HTR4: variants seen among roughly 807,000 people sequenced by gnomAD.
HTR4 encodes the protein 5-hydroxytryptamine receptor 4.
In HTR4, 16 loss-of-function variants were observed where a neutral mutation model predicts 36.8. That is an observed-to-expected ratio of 0.43 (90% confidence interval 0.29 to 0.66). The LOEUF (loss-of-function observed/expected upper bound fraction) is 0.66. Ranked by LOEUF, HTR4 falls within the 30% of genes least tolerant of loss-of-function variation. HTR4 has a pLI of 0.13. For missense variants in HTR4, 438 were observed against 490.9 expected (o/e 0.89, Z 1.02); for synonymous variants, 189 against 185.1 (o/e 1.02, Z -0.17).
chr5:148,543,622 T>C (rs1445954218), intron 4 of HTR4, among the ~76,000 whole-genome samples: 1 of 152,182 alleles, frequency 6.6e-6, no homozygotes, highest in Non-Finnish European at 1.5e-5. Flanking sequence ...CCTCAGGTTA[T>C]GCAGCTGTGG....
chr5:148,453,128 T>C (rs894301182), intron 5 of HTR4, among the ~76,000 whole-genome samples: 6 of 152,218 alleles, frequency 3.9e-5, no homozygotes, highest in African/African-American at 1.2e-4. Context: ...AATGCTTCTT[T>C]ACCCCTCAGA....
chr5:148,552,867 C>T (rs775315591), intron 2 of HTR4, among the ~76,000 whole-genome samples: 1 of 152,084 alleles, frequency 6.6e-6, no homozygotes, highest in African/African-American at 2.4e-5. Context: ...ATAGTAAGTG[C>T]TCAATTACTT....
chr5:148,522,388 G>T (rs185016300), intron 5 of HTR4, among the ~76,000 whole-genome samples: 2 of 152,044 alleles, frequency 1.3e-5, no homozygotes. Context: ...ATATTTGTTC[G>T]CTTATCTACA....
chr5:148,550,257 T>C lies in HTR4; in HGVS notation c.32A>G (p.Glu11Gly). The C allele has an allele frequency of 6.2e-7, 1 of 1,613,968 alleles. No individual in the cohort carries two copies. Among genetic ancestry groups the C allele is most frequent in the Non-Finnish European group, 8.5e-7 (1 of 1,179,974 alleles). MDKLDANVSS[E>G]EGFGSVEKVV... Reference sequence around the variant, plus strand: ...CTTCTCCACTGACCCGAAACCCTCCTCAGAACTGAAAGACACACACAAGCA... The same window carrying C: ...CTTCTCCACTGACCCGAAACCCTCCCCAGAACTGAAAGACACACACAAGCA... Residue 11 changes from glutamate (E) to glycine (G), a missense_variant, in exon 3 of 7, where the codon GAG (glutamate) becomes GGG (glycine). Physicochemically the swap from Glu to Gly is moderately conservative, Grantham distance 98 (BLOSUM62 -2). Coordinates refer to ENST00000377888, the MANE Select transcript of HTR4 (RefSeq NM_000870.7).
chr5:148,550,150 C>T lies in HTR4; in HGVS notation c.139G>A (p.Asp47Asn). Residue 47 changes from aspartate to asparagine, a missense_variant, in exon 3 of 7, where the codon GAC becomes AAC. Physicochemically the swap from Asp to Asn is conservative, Grantham distance 23 (BLOSUM62 1). Transcript: ENST00000377888. The part of the protein sequence containing the change: ...NLLVMVAVCW[D>N]RQLRKIKTNY... ...CCTGCTGCTCACCTGAGCTGCCTGT[C>T]CCAGCACACAGCCACCATCACCAGC... The T allele has an allele frequency of 6.2e-7, 1 of 1,614,094 alleles. No homozygotes were observed. Among genetic ancestry groups the T allele is most frequent in the Non-Finnish European group, 8.5e-7 (1 of 1,179,988 alleles).
At chr5:148,622,883 G>T (rs1752965176) in intron 2 of HTR4, among the ~76,000 whole-genome samples, 1 of 152,134 alleles carries the variant, frequency 6.6e-6, no homozygotes, top group Non-Finnish European at 1.5e-5. Flanking sequence ...TTAATAGTTG[G>T]TGAATATTTG....
At chr5:148,461,399 G>T (rs931719292) in intron 5 of HTR4, among the ~76,000 whole-genome samples, 2 of 151,880 alleles carry the variant, frequency 1.3e-5, no homozygotes, top group African/African-American at 4.8e-5. Context: ...AAGACATATA[G>T]ATTAAGAGTA....
intron 2 of HTR4, among the ~76,000 whole-genome samples, chr5:148,615,536 G>C (rs1248778481): frequency 2.7e-5 from 3 of 112,326 alleles, no homozygotes; most frequent in Non-Finnish European, 3.5e-5. Context: ...GTTGTGGGGT[G>C]GGGGGAGGGG....
intron 5 of HTR4, among the ~76,000 whole-genome samples, chr5:148,518,238 T>A (rs1192760018): frequency 6.6e-6 from 1 of 152,244 alleles, no homozygotes; most frequent in Admixed American, 6.5e-5. Context: ...TTATTTTTAA[T>A]CTCCTCTACT....
chr5:148,543,534 C>A (rs1030747738), intron 4 of HTR4, among the ~76,000 whole-genome samples: 25 of 152,112 alleles, frequency 1.6e-4, no homozygotes, highest in Non-Finnish European at 3.1e-4. Context: ...ATCATAAACT[C>A]AAAATATATT....
chr5:148,648,487 A>C (rs1234581171), intron 1 of HTR4, among the ~76,000 whole-genome samples: 1 of 152,208 alleles, frequency 6.6e-6, no homozygotes, highest in Non-Finnish European at 1.5e-5. Flanking sequence ...TGGGTTGCCC[A>C]ATGTGCAGGA....
At chr5:148,522,242 C>G (rs566316602) in intron 5 of HTR4, among the ~76,000 whole-genome samples, 174 of 152,268 alleles carry the variant, frequency 1.1e-3, no homozygotes, top group African/African-American at 4.1e-3. Flanking sequence ...ATTACCCAAT[C>G]TGGGGTTTGT....
chr5:148,634,034 T>C (rs1218417985), intron 2 of HTR4, among the ~76,000 whole-genome samples: 3 of 152,156 alleles, frequency 2.0e-5, no homozygotes, highest in African/African-American at 4.8e-5. Context: ...CTCAATTAAA[T>C]GACGCCAAAC....
At chr5:148,647,740 T>G (rs1053585324) in intron 1 of HTR4, among the ~76,000 whole-genome samples, 1 of 152,156 alleles carries the variant, frequency 6.6e-6, no homozygotes, top group African/African-American at 2.4e-5. Context: ...TCCCAGCTAC[T>G]CGGGCGGCTG....
At chr5:148,465,835 C>G (rs2113698427) in intron 5 of HTR4, 1 of 1,604,976 alleles carries the variant, frequency 6.2e-7, no homozygotes, top group Non-Finnish European at 8.5e-7. Context: ...TCACAACAGA[C>G]AGTGACAGAC....
At chr5:148,610,442 T>A (rs1752375996) in intron 2 of HTR4, among the ~76,000 whole-genome samples, 2 of 152,110 alleles carry the variant, frequency 1.3e-5, no homozygotes, top group South Asian at 4.1e-4. Flanking sequence ...TGCAGGGTAC[T>A]CCAACAGACC....
rs528083744 is a variant in HTR4 at position 148,507,907 on chromosome 5, A to G, written c.1076+1549T>C. Among the ~76,000 whole-genome samples, 150 of 152,348 alleles carry G rather than the reference A, an allele frequency of 9.8e-4. 1 individual carries two copies. Among genetic ancestry groups the G allele is most frequent in the African/African-American group, 3.5e-3 (146 of 41,588 alleles). On this transcript the variant is annotated intron_variant, in intron 6 of 6. Coordinates refer to ENST00000377888, the MANE Select transcript of HTR4 (RefSeq NM_000870.7). ...GGCACCCACACAGAAGTTCTTGTAC[A>G]CACACTTTATGGTTGAATTCTTTCT... is the stretch of plus-strand genomic sequence containing the variant.
At chr5:148,469,260 A>G (rs940935273) in intron 5 of HTR4, among the ~76,000 whole-genome samples, 1 of 152,230 alleles carries the variant, frequency 6.6e-6, no homozygotes, top group Admixed American at 6.5e-5. Flanking sequence ...ATATGAAGAT[A>G]TGATGACTCC....
In HTR4 at chr5:148,623,984, G is replaced by A. The variant is rs577411217; in HGVS notation, c.26+13005C>T. Among the ~76,000 whole-genome samples, 4 of 152,286 alleles carry A rather than the reference G, an allele frequency of 2.6e-5. No individual in the cohort carries two copies. The South Asian group carries it at 8.3e-4, about 32-fold the overall frequency. On this transcript the variant is annotated intron_variant, in intron 2 of 6. Coordinates refer to ENST00000377888, the MANE Select transcript of HTR4 (RefSeq NM_000870.7). ...AGAGCACATGGCCTCACCTATCTGG[G>A]ATGATATAGACGTTCCTTCTTAGAG...
Sources: allele counts gnomAD v4.1 joint callset (sites outside exome capture counted in the v4.1 genomes callset), GRCh38; gene constraint gnomAD v4.1.1; transcripts MANE v1.5; gene names NCBI Gene and HGNC (gene_info 2026-07-23, HGNC 2026-07-21).